TRAF3IP1: variants seen among roughly 807,000 people sequenced by gnomAD.
The protein encoded by TRAF3IP1 is TRAF3-interacting protein 1.
Under a neutral mutation model 89.9 loss-of-function variants are expected in TRAF3IP1, and 53 were observed. The observed-to-expected ratio is 0.59, with a 90% CI of 0.47 to 0.74. The LOEUF (loss-of-function observed/expected upper bound fraction) is 0.74, where lower values mean the gene tolerates loss of function less well. TRAF3IP1 is among the 30% of genes least tolerant of loss of function. TRAF3IP1 has a pLI of 0.00. For synonymous variants in TRAF3IP1, 311 were observed against 322.1 expected, an observed-to-expected ratio of 0.97 and a Z score of 0.37; for missense variants, 806 against 866.1, an observed-to-expected ratio of 0.93 and a Z score of 0.87.
At chr2:238,377,568 T>C (rs1333927268) in intron 15 of TRAF3IP1, among the ~76,000 whole-genome samples, 1 of 152,220 alleles carries the variant, frequency 6.6e-6, no homozygotes, top group Non-Finnish European at 1.5e-5. Flanking sequence ...AAATCAATTA[T>C]GGTATATTAT....
intron 15 of TRAF3IP1, among the ~76,000 whole-genome samples, chr2:238,370,733 A>T (rs1420084643): frequency 1.3e-5 from 2 of 152,210 alleles, no homozygotes; most frequent in East Asian, 3.8e-4. Flanking sequence ...TGGCTAGCAT[A>T]GCAGTGGACG....
intron 15 of TRAF3IP1, among the ~76,000 whole-genome samples, chr2:238,392,760 T>C (rs1190980672): frequency 3.3e-5 from 5 of 152,170 alleles, no homozygotes; most frequent in African/African-American, 1.2e-4. Context: ...ATTTTTAGTA[T>C]AGATGGGGTT....
At chr2:238,333,916 G>T (rs1698252108) in intron 6 of TRAF3IP1, 44 bp from the exon 7 acceptor site, 1 of 1,476,892 alleles carries the variant, frequency 6.8e-7, no homozygotes. Context: ...TGATACTGCT[G>T]TGTAATACAT....
At chr2:238,392,520 A>G (rs1201336336) in intron 15 of TRAF3IP1, among the ~76,000 whole-genome samples, 1 of 151,718 alleles carries the variant, frequency 6.6e-6, no homozygotes, top group Admixed American at 6.6e-5. Context: ...CACTTTTCTT[A>G]TTCCTAATCC....
At chr2:238,358,593 C>T (rs185760734) in intron 15 of TRAF3IP1, among the ~76,000 whole-genome samples, 56 of 152,272 alleles carry the variant, frequency 3.7e-4, no homozygotes, top group African/African-American at 7.7e-4. Flanking sequence ...CCTGTTCCCC[C>T]GAGGGCAGTC....
chr2:238,330,510 G>T (rs1335004961), intron 5 of TRAF3IP1, among the ~76,000 whole-genome samples: 1 of 152,242 alleles, frequency 6.6e-6, no homozygotes, highest in Non-Finnish European at 1.5e-5. Context: ...GGTCGGGAAG[G>T]GATCCAGATC....
chr2:238,349,501 C>A (rs1390819130), intron 12 of TRAF3IP1, 93 bp downstream of exon 12: 2 of 1,306,770 alleles, frequency 1.5e-6, no homozygotes, highest in Non-Finnish European at 2.2e-6. Context: ...GGAAGCAGCA[C>A]ATGGTGCTGG....
At chr2:238,349,237 A>C in intron 11 of TRAF3IP1, 88 bp from the exon 12 acceptor site, 1 of 1,235,474 alleles carries the variant, frequency 8.1e-7, no homozygotes, top group Non-Finnish European at 1.2e-6. Flanking sequence ...TGGAGATGAG[A>C]GTTAACATTC....
intron 15 of TRAF3IP1, among the ~76,000 whole-genome samples, chr2:238,376,063 A>G (rs950457011): frequency 1.3e-5 from 2 of 152,214 alleles, no homozygotes; most frequent in Non-Finnish European, 2.9e-5. Context: ...AAGGTCAGGT[A>G]GTAAATATTT....
intron 7 of TRAF3IP1, among the ~76,000 whole-genome samples, chr2:238,334,576 TG>T (rs1698295694): frequency 6.6e-6 from 1 of 152,184 alleles, no homozygotes. Context: ...TGGAGGCCAC[TG>T]GCATTGGAGG....
intron 15 of TRAF3IP1, among the ~76,000 whole-genome samples, chr2:238,380,194 G>A (rs138427395): frequency 6.6e-6 from 1 of 152,268 alleles, no homozygotes; most frequent in African/African-American, 2.4e-5. Context: ...CTGGGCAGGT[G>A]CTGGCGCTGG....
At chr2:238,358,522 C>A (rs914988717) in intron 15 of TRAF3IP1, among the ~76,000 whole-genome samples, 11 of 152,186 alleles carry the variant, frequency 7.2e-5, no homozygotes, top group Non-Finnish European at 1.2e-4. Flanking sequence ...GATGACAGAG[C>A]AAGCCTGTCT....
At chr2:238,323,618 G>GA (rs1161390090) in intron 1 of TRAF3IP1, among the ~76,000 whole-genome samples, 3 of 152,150 alleles carry the variant, frequency 2.0e-5, no homozygotes, top group Non-Finnish European at 4.4e-5. Context: ...TCATTAGGGT[G>GA]GGACTGTCTT....
intron 15 of TRAF3IP1, among the ~76,000 whole-genome samples, chr2:238,374,932 A>G (rs1700254955): frequency 6.6e-6 from 1 of 152,092 alleles, no homozygotes; most frequent in Non-Finnish European, 1.5e-5. Flanking sequence ...TGTTTATAGT[A>G]TTCTCTGATG....
At chr2:238,343,178 C>T (rs938345432) in intron 8 of TRAF3IP1, among the ~76,000 whole-genome samples, 4 of 151,938 alleles carry the variant, frequency 2.6e-5, no homozygotes, top group Admixed American at 6.6e-5. Context: ...CTCTGCTTCC[C>T]GGGTCCAAGA....
intron 8 of TRAF3IP1, among the ~76,000 whole-genome samples, chr2:238,342,873 TATATG>T (rs1698724057): frequency 6.6e-6 from 1 of 152,244 alleles, no homozygotes; most frequent in South Asian, 2.1e-4. Flanking sequence ...ATAAAACAGT[TATATG>T]ATAGTTAATG....
intron 6 of TRAF3IP1, 94 bp from the exon 7 acceptor site, chr2:238,333,866 T>C: frequency 9.5e-7 from 1 of 1,049,804 alleles, no homozygotes; most frequent in Non-Finnish European, 1.4e-6. Context: ...ATTTCATACT[T>C]GTTCTTCCTC....
In TRAF3IP1 at chr2:238,379,253, C is replaced by T. The variant is rs898083009; in HGVS notation, c.1690-18206C>T. Among the ~76,000 whole-genome samples, 2 of 152,216 alleles carry T rather than the reference C, an allele frequency of 1.3e-5. No individual in the cohort carries two copies. The highest frequency in any genetic ancestry group is 4.8e-5 in the African/African-American group (2 of 41,468). Reference sequence around the variant, plus strand: ...AGTCTCCTCTTCAGAGAGGCCTTTCCTGTCCACCTAGCTGTGTGGGGCCTC... The same window carrying T: ...AGTCTCCTCTTCAGAGAGGCCTTTCTTGTCCACCTAGCTGTGTGGGGCCTC... On this transcript the variant is annotated intron_variant, in intron 15 of 16. Coordinates refer to ENST00000373327, the MANE Select transcript of TRAF3IP1 (RefSeq NM_015650.4). This position sits in a 1 kb window ranked among gnomAD's most constrained non-coding sequence, Gnocchi z 4.0.
intron 3 of TRAF3IP1, among the ~76,000 whole-genome samples, chr2:238,327,681 A>G (rs1697905464): frequency 6.6e-6 from 1 of 152,064 alleles, no homozygotes; most frequent in Non-Finnish European, 1.5e-5. Context: ...ACCACCTTCC[A>G]TCTCCAGGAC....
Sources: allele counts gnomAD v4.1 joint callset (sites outside exome capture counted in the v4.1 genomes callset), GRCh38; gene constraint gnomAD v4.1.1; non-coding constraint Gnocchi (gnomAD v3.1); transcripts MANE v1.5; gene names NCBI Gene and HGNC (gene_info 2026-07-23, HGNC 2026-07-21).